IMMP2L: variants seen among roughly 807,000 people sequenced by gnomAD.
IMMP2L encodes the protein mitochondrial inner membrane protease subunit 2.
IMMP2L carries 18 observed loss-of-function variants against 19.3 expected under a neutral mutation model. That is an observed-to-expected ratio of 0.93 (90% CI 0.64 to 1.38). The LOEUF (loss-of-function observed/expected upper bound fraction) is 1.38, where lower values mean the gene tolerates loss of function less well. IMMP2L is among the 40% of genes most tolerant of loss of function. The probability of loss-of-function intolerance (pLI) is 0.00; values close to 1 mark genes in which losing one functional copy is unlikely to be tolerated. For synonymous variants in IMMP2L, 76 were observed against 73.0 expected (o/e 1.04, Z -0.21); for missense variants, 233 against 218.2 (o/e 1.07, Z -0.43).
At chr7:110,937,796 G>C (rs1486132746) in intron 4 of IMMP2L, among the ~76,000 whole-genome samples, 1 of 152,162 alleles carries the variant, frequency 6.6e-6, no homozygotes, top group Non-Finnish European at 1.5e-5. Flanking sequence ...TGCTTTCACA[G>C]TAGTATCTCA....
chr7:111,184,900 T>C (rs948523760), intron 3 of IMMP2L, among the ~76,000 whole-genome samples: 7 of 152,140 alleles, frequency 4.6e-5, no homozygotes, highest in Non-Finnish European at 1.0e-4. Context: ...ATGAATTTTA[T>C]GTAATAAGTT....
In IMMP2L at chr7:111,122,367, T is replaced by A. The variant is rs1399464099; in HGVS notation, c.240-158802A>T. On this transcript the variant is annotated intron_variant, in intron 3 of 5. Transcript: ENST00000405709. ...CAATTATGGTATTTTTCATTTGTAC[T>A]AATTATTGTTCTCTTTTTTCTTTCA... The A allele has an allele frequency of 5.7e-5, 9 of 157,010 alleles. No individual in the cohort carries two copies. The Admixed American group carries it at 5.8e-4, about 10-fold the overall frequency. 9.7% of individuals were successfully genotyped at this position (157,010 alleles called of 1,614,324 possible). A position where few individuals can be genotyped will look rare whatever the true frequency, so the allele number is the denominator to read the frequency against.
At chr7:111,411,992 G>A (rs1406254772) in intron 3 of IMMP2L, 1 of 152,346 alleles carries the variant, frequency 6.6e-6, no homozygotes, top group Non-Finnish European at 1.5e-5. Context: ...CCAGCTGGCA[G>A]AATAGTGGGG....
chr7:110,987,087 A>T, intron 3 of IMMP2L, among the ~76,000 whole-genome samples: 1 of 152,166 alleles, frequency 6.6e-6, no homozygotes, highest in East Asian at 1.9e-4. Context: ...ACTTAGAATA[A>T]ATGCCAATTT....
intron 4 of IMMP2L, among the ~76,000 whole-genome samples, chr7:110,889,336 T>A (rs1040471165): frequency 1.1e-4 from 17 of 152,150 alleles, no homozygotes; most frequent in African/African-American, 3.9e-4. Flanking sequence ...CCTGAGCTTG[T>A]TTTCCTGTAA....
chr7:110,733,487 G>A (rs1164004926), intron 5 of IMMP2L, among the ~76,000 whole-genome samples: 1 of 150,542 alleles, frequency 6.6e-6, no homozygotes, highest in Non-Finnish European at 1.5e-5. Flanking sequence ...GTTGCAAAGA[G>A]CCCAGCTAAA....
intron 3 of IMMP2L, among the ~76,000 whole-genome samples, chr7:111,476,289 CAG>C (rs1841719257): frequency 6.6e-6 from 1 of 152,042 alleles, no homozygotes; most frequent in Admixed American, 6.6e-5. Flanking sequence ...ATTTGTTTCA[CAG>C]AAAAGAAAAT....
intron 3 of IMMP2L, among the ~76,000 whole-genome samples, chr7:111,184,905 TAA>T (rs1365148361): frequency 2.0e-5 from 3 of 152,274 alleles, no homozygotes; most frequent in Non-Finnish European, 4.4e-5. Flanking sequence ...TTTTATGTAA[TAA>T]GTTAGTAAGT....
chr7:111,167,679 T>C (rs2129608304), intron 3 of IMMP2L, among the ~76,000 whole-genome samples: 1 of 152,068 alleles, frequency 6.6e-6, no homozygotes, highest in East Asian at 1.9e-4. Flanking sequence ...AATCAAGTAT[T>C]AGGCTTACTC....
intron 3 of IMMP2L, among the ~76,000 whole-genome samples, chr7:111,445,257 CA>C (rs566917726): frequency 2.7e-5 from 4 of 147,678 alleles, no homozygotes; most frequent in African/African-American, 5.0e-5. Context: ...TGTGGGGAGC[CA>C]AAAAAAAATG....
At chr7:111,277,529 C>A (rs1229962856) in intron 3 of IMMP2L, among the ~76,000 whole-genome samples, 1 of 149,546 alleles carries the variant, frequency 6.7e-6, no homozygotes, top group East Asian at 2.0e-4. Context: ...TACTCCACCA[C>A]ACTCCAGCCT....
Position 111,389,263 on chromosome 7 carries a change from C to A in IMMP2L, c.239+97975G>T, listed in dbSNP as rs182796553. Among the ~76,000 whole-genome samples the A allele has an allele frequency of 3.3e-5, 5 of 152,036 alleles. No individual in the cohort carries two copies. The East Asian group carries it at 9.7e-4, about 29-fold the overall frequency. ...AATGTCAAAATCATTAAAGATAAGG[C>A]AAGATTAATGAAGATTCCAGATTGA... On this transcript the variant is annotated intron_variant, in intron 3 of 5. Coordinates refer to ENST00000405709, the MANE Select transcript of IMMP2L (RefSeq NM_032549.4).
chr7:111,163,366 G>A (rs1805474235), intron 3 of IMMP2L, among the ~76,000 whole-genome samples: 1 of 152,014 alleles, frequency 6.6e-6, no homozygotes, highest in African/African-American at 2.4e-5. Flanking sequence ...TTTTGTTTTG[G>A]TGAAGTTGAG....
intron 3 of IMMP2L, among the ~76,000 whole-genome samples, chr7:110,983,733 T>C (rs1821547168): frequency 6.6e-6 from 1 of 152,008 alleles, no homozygotes; most frequent in African/African-American, 2.4e-5. Flanking sequence ...ACTGTCTCGG[T>C]ATTGAGGCTG....
chr7:111,295,155 G>A (rs1821492471), intron 3 of IMMP2L, among the ~76,000 whole-genome samples: 1 of 151,818 alleles, frequency 6.6e-6, no homozygotes, highest in African/African-American at 2.4e-5. Flanking sequence ...AGGTACTGAA[G>A]TTACTACTTA....
At chr7:111,524,339 T>A (rs13241297) in intron 1 of IMMP2L, among the ~76,000 whole-genome samples, 1 of 151,934 alleles carries the variant, frequency 6.6e-6, no homozygotes, top group Non-Finnish European at 1.5e-5. Context: ...CCCATGTACA[T>A]AGGAAAAAAA....
intron 2 of IMMP2L, among the ~76,000 whole-genome samples, chr7:111,520,188 T>C (rs529518505): frequency 1.3e-5 from 2 of 152,142 alleles, no homozygotes; most frequent in Non-Finnish European, 2.9e-5. Context: ...ACTGTACCCC[T>C]ACATTAAGAT....
At chr7:110,962,784 GT>G (rs923941130) in intron 4 of IMMP2L, 7 of 1,154,190 alleles carry the variant, frequency 6.1e-6, no homozygotes, top group Non-Finnish European at 7.5e-6. Flanking sequence ...TTAGGATCAA[GT>G]TTTTTTAGAA....
At chr7:111,359,739 A>AT (rs1563100118) in intron 3 of IMMP2L, among the ~76,000 whole-genome samples, 1 of 152,098 alleles carries the variant, frequency 6.6e-6, no homozygotes, top group Non-Finnish European at 1.5e-5. Context: ...ACCATTATGC[A>AT]TTTTTTAATC....
Sources: allele counts gnomAD v4.1 joint callset (sites outside exome capture counted in the v4.1 genomes callset), GRCh38; gene constraint gnomAD v4.1.1; transcripts MANE v1.5; gene names NCBI Gene and HGNC (gene_info 2026-07-23, HGNC 2026-07-21).